UBASH3B: variants seen among roughly 807,000 people sequenced by gnomAD.
UBASH3B encodes ubiquitin associated and SH3 domain containing B.
Under a neutral mutation model 83.4 loss-of-function variants are expected in UBASH3B, and 37 were observed. That is an observed-to-expected ratio of 0.44 (90% CI 0.34 to 0.58). The LOEUF (loss-of-function observed/expected upper bound fraction) is 0.58, where lower values mean the gene tolerates loss of function less well. Ranked by LOEUF, UBASH3B falls within the 20% of genes least tolerant of loss-of-function variation. The pLI is 0.01. For missense variants in UBASH3B, 657 were observed against 827.2 expected, an observed-to-expected ratio of 0.79 and a Z score of 2.52; for synonymous variants, 304 against 318.3, an observed-to-expected ratio of 0.96 and a Z score of 0.48.
At chr11:122,804,580 G>A (rs1861306438) in intron 11 of UBASH3B, among the ~76,000 whole-genome samples, 1 of 152,128 alleles carries the variant, frequency 6.6e-6, no homozygotes, top group Non-Finnish European at 1.5e-5. Context: ...GCCTTTCTGA[G>A]CTTCTGTTTT....
Position 122,696,867 on chromosome 11 carries a change from C to T in UBASH3B, c.161+40657C>T, listed in dbSNP as rs1016483211. Among the ~76,000 whole-genome samples the T allele has an allele frequency of 9.9e-5, 15 of 152,168 alleles. No individual in the cohort carries two copies. The South Asian group carries it at 1.9e-3, about 19-fold the overall frequency. ...TCTTGTTTTCACATCAGCTGCAGCA[C>T]GATTTCTGTTCAGAGCAAGCGTGGG... On this transcript the variant is annotated intron_variant, in intron 1 of 13. Coordinates refer to ENST00000284273, the MANE Select transcript of UBASH3B (RefSeq NM_032873.5).
chr11:122,765,943 G>A (rs1022904770), intron 1 of UBASH3B, among the ~76,000 whole-genome samples: 9 of 152,314 alleles, frequency 5.9e-5, no homozygotes, highest in African/African-American at 2.2e-4. Flanking sequence ...AATTGTAACA[G>A]GTTAGGCCTT....
At chr11:122,697,408 T>C (rs1313313108) in intron 1 of UBASH3B, among the ~76,000 whole-genome samples, 3 of 152,230 alleles carry the variant, frequency 2.0e-5, no homozygotes, top group South Asian at 2.1e-4. Flanking sequence ...CACTCCAGCA[T>C]GGGCTACAAG....
chr11:122,747,713 G>T (rs772027357), intron 1 of UBASH3B, among the ~76,000 whole-genome samples: 4 of 152,204 alleles, frequency 2.6e-5, no homozygotes, highest in East Asian at 1.9e-4. Context: ...TTATAGAGAC[G>T]CAATGAAAAT....
intron 1 of UBASH3B, among the ~76,000 whole-genome samples, chr11:122,702,704 T>C (rs978378204): frequency 5.3e-5 from 8 of 152,064 alleles, no homozygotes; most frequent in African/African-American, 1.9e-4. Flanking sequence ...TTTGTATTTT[T>C]AGTAGAGACA....
At chr11:122,690,189 T>TCCA (rs1565530231) in intron 1 of UBASH3B, among the ~76,000 whole-genome samples, 383 of 22,652 alleles carry the variant, frequency 0.017, 17 homozygotes, top group East Asian at 0.058. Context: ...TATATATATA[T>TCCA]ATATATATAT....
At chr11:122,688,805 C>A (rs1457325346) in intron 1 of UBASH3B, among the ~76,000 whole-genome samples, 1 of 151,792 alleles carries the variant, frequency 6.6e-6, no homozygotes, top group African/African-American at 2.4e-5. Context: ...CCACCACGCC[C>A]GGCTAATTTT....
At chr11:122,729,591 T>C (rs921154229) in intron 1 of UBASH3B, among the ~76,000 whole-genome samples, 3 of 152,070 alleles carry the variant, frequency 2.0e-5, no homozygotes, top group Non-Finnish European at 4.4e-5. Context: ...GTCTGGGTTG[T>C]TTTAAAATAC....
intron 11 of UBASH3B, among the ~76,000 whole-genome samples, chr11:122,804,988 G>T (rs1861313630): frequency 6.6e-6 from 1 of 152,136 alleles, no homozygotes; most frequent in African/African-American, 2.4e-5. Context: ...GACATGCAGG[G>T]GCACCGGGAC....
chr11:122,763,193 A>C (rs1860474779), intron 1 of UBASH3B, among the ~76,000 whole-genome samples: 1 of 152,212 alleles, frequency 6.6e-6, no homozygotes, highest in Non-Finnish European at 1.5e-5. Context: ...AGAGGGACAC[A>C]TAACAGAGGC....
chr11:122,797,214 G>T (rs1399655858), intron 9 of UBASH3B, 181 bp downstream of exon 9: 2 of 788,642 alleles, frequency 2.5e-6, no homozygotes, highest in South Asian at 2.0e-5. Flanking sequence ...GCCCTGGGTT[G>T]GTTGACCAAA....
In UBASH3B at chr11:122,710,369, T is replaced by C. The variant is rs147866859; in HGVS notation, c.161+54159T>C. On this transcript the variant is annotated intron_variant, in intron 1 of 13. Coordinates refer to ENST00000284273, the MANE Select transcript of UBASH3B (RefSeq NM_032873.5). The stretch of plus-strand genomic sequence containing the variant: ...GGAGAGATGGTGGGGCCACCATTGT[T>C]GTGCACGCTTATTACAAGCCAGGCA... 2.6e-5 allele frequency among the ~76,000 whole-genome samples: 4 copies of C among 152,226 alleles called. No individual in the cohort carries two copies. In the East Asian group the frequency reaches 7.8e-4, roughly 30 times the overall value.
At chr11:122,798,800 G>C (rs1327564656) in intron 9 of UBASH3B, 142 bp from the exon 10 acceptor site, 1 of 576,126 alleles carries the variant, frequency 1.7e-6, no homozygotes, top group Non-Finnish European at 3.1e-6. Context: ...ACTAACAAAG[G>C]CTGAAACTAC....
chr11:122,668,484 G>T (rs1863550647), intron 1 of UBASH3B, among the ~76,000 whole-genome samples: 1 of 152,208 alleles, frequency 6.6e-6, no homozygotes, highest in Non-Finnish European at 1.5e-5. Context: ...CATCTCTCTA[G>T]GTGGGTGAGA....
At chr11:122,672,081 G>A (rs1360174574) in intron 1 of UBASH3B, among the ~76,000 whole-genome samples, 1 of 151,960 alleles carries the variant, frequency 6.6e-6, no homozygotes, top group Non-Finnish European at 1.5e-5. Flanking sequence ...ACAGAACCAG[G>A]CTCCTGTTAG....
chr11:122,700,589 C>T lies in UBASH3B; in HGVS notation c.161+44379C>T, dbSNP rs187316106. ...TCGGCTCACTGCAACCTCCACCTCC[C>T]GGGTTCAAACAATTCTCCTGCCTCA... On this transcript the variant is annotated intron_variant, in intron 1 of 13. Transcript: ENST00000284273. 6.5e-3 allele frequency among the ~76,000 whole-genome samples: 973 copies of T among 150,392 alleles called. 10 individuals carry two copies. Among genetic ancestry groups the T allele is most frequent in the South Asian group, 0.031 (146 of 4,720 alleles).
chr11:122,724,235 G>A (rs1591787178), intron 1 of UBASH3B, among the ~76,000 whole-genome samples: 1 of 152,196 alleles, frequency 6.6e-6, no homozygotes, highest in South Asian at 2.1e-4. Context: ...GTGCCTCGGT[G>A]TACTCATCGG....
Position 122,810,000 on chromosome 11 carries a change from A to G in UBASH3B, c.*114A>G, listed in dbSNP as rs1421001065. On this transcript the variant is annotated 3_prime_UTR_variant, in exon 14 of 14. Coordinates refer to ENST00000284273, the MANE Select transcript of UBASH3B (RefSeq NM_032873.5). The stretch of plus-strand genomic sequence containing the variant: ...AGTGGACAGCTCAGAATAATTTAGC[A>G]TATTTCCTTTCACACTTAAAGTTCT... 11 of 1,308,756 alleles carry G rather than the reference A, an allele frequency of 8.4e-6. No individual in the cohort carries two copies. Among genetic ancestry groups the G allele is most frequent in the East Asian group, 4.7e-5 (2 of 42,816 alleles). 81.1% of individuals were successfully genotyped at this position (1,308,756 alleles called of 1,614,324 possible). A position where few individuals can be genotyped will look rare whatever the true frequency, so the allele number is the denominator to read the frequency against.
At chr11:122,688,801 C>T (rs1256258716) in intron 1 of UBASH3B, among the ~76,000 whole-genome samples, 11 of 152,130 alleles carry the variant, frequency 7.2e-5, no homozygotes, top group Admixed American at 2.0e-4. Context: ...CCCGCCACCA[C>T]GCCCGGCTAA....
Sources: gnomAD v4.1 joint callset for allele counts (sites outside exome capture counted in the v4.1 genomes callset) on GRCh38, gnomAD v4.1.1 for gene constraint, MANE v1.5 for transcripts, NCBI Gene and HGNC (gene_info 2026-07-23, HGNC 2026-07-21) for gene names.